The following WIPF1 variants were observed in gnomAD, a reference collection of about 807,000 sequenced individuals.
WIPF1 encodes the protein WAS/WASL interacting protein family member 1.
In WIPF1, 13 loss-of-function variants were observed where a neutral mutation model predicts 35.4. The ratio of observed to expected loss-of-function variants is 0.37; its 90% CI spans 0.24 to 0.58. WIPF1 has a LOEUF of 0.58. WIPF1 is among the 20% of genes least tolerant of loss of function. WIPF1 has a pLI of 0.74. For synonymous variants in WIPF1, 267 were observed against 266.3 expected (o/e 1.00, Z -0.02); for missense variants, 591 against 667.0 (o/e 0.89, Z 1.25).
chr2:174,624,277 G>A (rs1424387656), intron 1 of WIPF1, among the ~76,000 whole-genome samples: 1 of 152,200 alleles, frequency 6.6e-6, no homozygotes, highest in African/African-American at 2.4e-5. Context: ...AAAGTGAGTG[G>A]AGGAGAAGTC....
At position 174,571,825 on chromosome 2, in the gene WIPF1, C is replaced by T. The variant is rs1176504413; in HGVS notation, c.980G>A (p.Gly327Asp). The T allele has an allele frequency of 2.5e-6, 4 of 1,614,174 alleles. No homozygotes were observed. Among genetic ancestry groups the T allele is most frequent in the Non-Finnish European group, 2.5e-6 (3 of 1,180,022 alleles). The change falls in exon 5 of 8, where the codon GGC becomes GAC. Residue 327 changes from glycine (G) to aspartate (D), a missense_variant. By Grantham distance (94) the Gly-to-Asp change is moderately conservative. Transcript: ENST00000679041. The surrounding 1 kb of genome is among the most constrained non-coding windows in gnomAD (Gnocchi z 4.6). Reference protein sequence around the residue: ...GPPPLPPSSSGNDETPRLPQR... With the variant: ...GPPPLPPSSSDNDETPRLPQR... ...TGGGAGTCTTGGGGTTTCGTCATTG[C>T]CGCTGGAACTTGGAGGCAGAGGAGG...
intron 3 of WIPF1, among the ~76,000 whole-genome samples, chr2:174,576,230 C>CAAAAAAAAAAAAAAAAAAAAA (rs66562213): frequency 4.0e-5 from 4 of 98,934 alleles, no homozygotes; most frequent in African/African-American, 1.7e-4. Flanking sequence ...TGCACTCCAG[C>CAAAAAAAAAAAAAAAAAAAAA]AAAAAAAAAA....
chr2:174,570,507 G>A (rs1447440963), intron 5 of WIPF1: 1 of 152,160 alleles, frequency 6.6e-6, no homozygotes. Flanking sequence ...TTAATCTGCT[G>A]ACTCATCCAT....
chr2:174,593,485 ATTTT>A (rs1685692810), intron 1 of WIPF1, among the ~76,000 whole-genome samples: 1 of 152,254 alleles, frequency 6.6e-6, no homozygotes, highest in African/African-American at 2.4e-5. Context: ...AAGACGGTGA[ATTTT>A]AAAAAGCATG....
In WIPF1 at chr2:174,654,862, T is replaced by C. The variant is rs145967828; in HGVS notation, c.-39+27912A>G. Among the ~76,000 whole-genome samples the C allele has an allele frequency of 9.2e-3, 1,403 of 152,274 alleles. 11 individuals are homozygous for C. Among genetic ancestry groups the C allele is most frequent in the South Asian group, 0.016 (78 of 4,822 alleles). ...TGCCACAAACCTGGTCATTCTACTC[T>C]TCTCTACCAGAGGACAGGGGAGAAG... On this transcript the variant is annotated intron_variant, in intron 1 of 8. Transcript: ENST00000272746.
At chr2:174,676,263 C>T (rs1478896559) in intron 1 of WIPF1, 1 of 147,892 alleles carries the variant, frequency 6.8e-6, no homozygotes, top group Non-Finnish European at 1.5e-5. Flanking sequence ...TTATAGGATA[C>T]AGTGTGATAT....
intron 1 of WIPF1, among the ~76,000 whole-genome samples, chr2:174,607,083 C>T (rs1686188886): frequency 6.6e-6 from 1 of 152,128 alleles, no homozygotes; most frequent in East Asian, 1.9e-4. Context: ...AACCTAGTCC[C>T]ATGATAAGGA....
At chr2:174,635,020 G>T (rs1475463189) in intron 1 of WIPF1, among the ~76,000 whole-genome samples, 1 of 152,098 alleles carries the variant, frequency 6.6e-6, no homozygotes, top group East Asian at 1.9e-4. Flanking sequence ...CTGCACCCAG[G>T]ATGTCCCCAC....
chr2:174,659,792 A>T (rs1343547425), intron 1 of WIPF1, among the ~76,000 whole-genome samples: 3 of 152,188 alleles, frequency 2.0e-5, no homozygotes, highest in Non-Finnish European at 4.4e-5. Flanking sequence ...TCCCATCCAT[A>T]ATTTATCTGC....
chr2:174,576,243 A>AAAAAAAAAAAAAAAAAAAAAAAAAC lies in WIPF1; in HGVS notation c.182-864_182-863insGTTTTTTTTTTTTTTTTTTTTTTTT. ...ACTGCACTCCAGCAAAAAAAAAAAA[A>AAAAAAAAAAAAAAAAAAAAAAAAAC]AAAAAACACTAAGCAAATATCCACA... On this transcript the variant is annotated intron_variant, in intron 3 of 7. Transcript: ENST00000679041. 2.5e-4 allele frequency among the ~76,000 whole-genome samples: 38 copies of AAAAAAAAAAAAAAAAAAAAAAAAAC among 150,450 alleles called. 1 individual carries two copies. The highest frequency in any genetic ancestry group is 9.5e-4 in the African/African-American group (38 of 40,012).
intron 1 of WIPF1, among the ~76,000 whole-genome samples, chr2:174,660,844 G>T (rs142286638): frequency 5.7e-4 from 87 of 152,300 alleles, no homozygotes; most frequent in African/African-American, 2.0e-3. Context: ...TTGTCAAGAG[G>T]ACTGAGTGCA....
intron 1 of WIPF1, among the ~76,000 whole-genome samples, chr2:174,678,996 C>G (rs1445015990): frequency 6.6e-6 from 1 of 152,162 alleles, no homozygotes; most frequent in Non-Finnish European, 1.5e-5. Context: ...AAAGGAATGC[C>G]AACAGTATTT....
At chr2:174,575,650 CTGTT>C (rs1185027434) in intron 3 of WIPF1, among the ~76,000 whole-genome samples, 4 of 152,210 alleles carry the variant, frequency 2.6e-5, no homozygotes, top group African/African-American at 4.8e-5. Context: ...GGGTCAGTAT[CTGTT>C]TGTTCCGTAT....
chr2:174,559,622 T>TAGAC lies in WIPF1; in HGVS notation c.*2924_*2925insGTCT, dbSNP rs1245749068. On this transcript the variant is annotated 3_prime_UTR_variant, in exon 8 of 8. Coordinates refer to ENST00000679041, the MANE Select transcript of WIPF1 (RefSeq NM_001375834.1). ...TGGCTAACTTACAAAGATGCAGATGTCTAGGGTAGTCTCTACCCTACCACT... is the reference window on the plus strand; with the variant it reads ...TGGCTAACTTACAAAGATGCAGATGTAGACCTAGGGTAGTCTCTACCCTACCACT... 1 of 152,182 alleles carries TAGAC rather than the reference T, an allele frequency of 6.6e-6. No homozygotes were observed. The highest frequency in any genetic ancestry group is 1.5e-5 in the Non-Finnish European group (1 of 67,998). 9.4% of individuals were successfully genotyped at this position (152,182 alleles called of 1,614,324 possible). A position where few individuals can be genotyped will look rare whatever the true frequency, so the allele number is the denominator to read the frequency against.
At chr2:174,644,919 A>C (rs1687372913) in intron 1 of WIPF1, among the ~76,000 whole-genome samples, 1 of 152,232 alleles carries the variant, frequency 6.6e-6, no homozygotes, top group Non-Finnish European at 1.5e-5. Flanking sequence ...CTGGAGGGAT[A>C]TGGCGGAAAT....
chr2:174,574,840 G>T, intron 4 of WIPF1: 1 of 716,592 alleles, frequency 1.4e-6, no homozygotes, highest in Non-Finnish European at 2.6e-6. Context: ...TAGACAGCTG[G>T]GCTACCTCAC....
At chr2:174,651,255 G>A (rs1687526935) in intron 1 of WIPF1, among the ~76,000 whole-genome samples, 1 of 152,000 alleles carries the variant, frequency 6.6e-6, no homozygotes, top group Non-Finnish European at 1.5e-5. Flanking sequence ...AATGCTCTTT[G>A]TAGCACAAAC....
At chr2:174,634,214 A>G (rs182998049) in intron 1 of WIPF1, among the ~76,000 whole-genome samples, 2 of 152,372 alleles carry the variant, frequency 1.3e-5, no homozygotes, top group East Asian at 3.9e-4. Context: ...GGTAAAAATG[A>G]CAAGAGGCCT....
chr2:174,681,265 T>A (rs1037957993), intron 1 of WIPF1, among the ~76,000 whole-genome samples: 1 of 152,190 alleles, frequency 6.6e-6, no homozygotes, highest in African/African-American at 2.4e-5. Context: ...TAATGGGCTC[T>A]CACAGGTGGC....
Sources: allele counts gnomAD v4.1 joint callset (sites outside exome capture counted in the v4.1 genomes callset), GRCh38; gene constraint gnomAD v4.1.1; non-coding constraint Gnocchi (gnomAD v3.1); transcripts MANE v1.5; gene names NCBI Gene and HGNC (gene_info 2026-07-23, HGNC 2026-07-21).